Variants in TCF12 observed in about 807,000 individuals in gnomAD.
The protein encoded by TCF12 is transcription factor 12.
A neutral mutation model predicts 86.0 loss-of-function variants in TCF12; 45 were observed. The observed-to-expected ratio is 0.52, with a 90% confidence interval of 0.41 to 0.67. The LOEUF is 0.67. Among genes scored for constraint, TCF12 ranks in the 30% least tolerant of loss-of-function variants. The pLI, the probability that TCF12 is intolerant of heterozygous loss-of-function variation, is 0.00. For missense variants in TCF12, 881 were observed against 859.9 expected (o/e 1.02, Z -0.31); for synonymous variants, 330 against 299.6 (o/e 1.10, Z -1.05).
intron 5 of TCF12, among the ~76,000 whole-genome samples, chr15:57,125,564 A>C (rs1221615075): frequency 2.6e-5 from 4 of 152,236 alleles, no homozygotes; most frequent in Non-Finnish European, 5.9e-5. Context: ...GCCAACAATG[A>C]ATTTCTGAAC....
At position 57,170,636 on chromosome 15, in the gene TCF12, A is replaced by ATAT. The variant is rs1246397335; in HGVS notation, c.390+4171_390+4173dup. ...GCCATGCCCTGCTAATTTTATATATATATATAATATATATATTATATAAAA... is the reference window on the plus strand; with the variant it reads ...GCCATGCCCTGCTAATTTTATATATATATTATATAATATATATATTATATAAAA... On this transcript the variant is annotated intron_variant, in intron 6 of 20. Transcript: ENST00000333725. Among the ~76,000 whole-genome samples, 104 of 32,724 alleles carry ATAT rather than the reference A, an allele frequency of 3.2e-3. 5 individuals are homozygous for ATAT. The East Asian group carries it at 0.034, about 11-fold the overall frequency. 21.5% of individuals were successfully genotyped at this position (32,724 alleles called of 152,430 possible).
At position 57,232,823 on chromosome 15, in the gene TCF12, A is replaced by G; in HGVS notation, c.937A>G (p.Thr313Ala). The G allele has an allele frequency of 1.2e-6, 2 of 1,606,308 alleles. No individual in the cohort carries two copies. Among genetic ancestry groups the G allele is most frequent in the Non-Finnish European group, 8.5e-7 (1 of 1,176,602 alleles). Residue 313 changes from threonine to alanine, a missense_variant, in exon 11 of 21, where the codon ACT becomes GCT. By Grantham distance (58) the Thr-to-Ala change is moderately conservative. Around this residue, in one of 3 missense-constraint regions of TCF12, gnomAD observed 766 missense variants for 718.9 expected, o/e 1.07. Coordinates refer to ENST00000333725, the MANE Select transcript of TCF12 (RefSeq NM_207037.2). ...SSSPYVAASH[T>A]PPINGSDSIL... is the part of the protein sequence containing the mutation. The stretch of plus-strand genomic sequence containing the variant: ...TTCACCTTACGTTGCTGCCTCACAC[A>G]CTCCTCCCATCAATGGATCAGACAG...
intron 6 of TCF12, 115 bp downstream of exon 6, chr15:57,166,581 T>G: frequency 1.1e-6 from 1 of 908,008 alleles, no homozygotes; most frequent in South Asian, 2.2e-5. Context: ...TTGTTTAATT[T>G]GTAACTAAGT....
At chr15:57,202,374 A>G (rs930466691) in intron 8 of TCF12, among the ~76,000 whole-genome samples, 1 of 151,436 alleles carries the variant, frequency 6.6e-6, no homozygotes, top group Admixed American at 6.6e-5. Flanking sequence ...AAGGACCTAC[A>G]GTAGTAGAAA....
At chr15:57,049,306 G>T (rs114499772) in intron 3 of TCF12, among the ~76,000 whole-genome samples, 1 of 152,226 alleles carries the variant, frequency 6.6e-6, no homozygotes, top group South Asian at 2.1e-4. Flanking sequence ...TTATTTTATA[G>T]ATACTTCCGT....
At chr15:57,077,968 A>G (rs1229624784) in intron 4 of TCF12, among the ~76,000 whole-genome samples, 7 of 152,176 alleles carry the variant, frequency 4.6e-5, no homozygotes, top group African/African-American at 1.7e-4. Context: ...GAAATATAGT[A>G]TTATTCGATA....
chr15:56,973,549 A>C (rs143995502), intron 3 of TCF12, among the ~76,000 whole-genome samples: 4 of 152,254 alleles, frequency 2.6e-5, no homozygotes, highest in Non-Finnish European at 5.9e-5. Flanking sequence ...AATAACAACT[A>C]ATGTATATAA....
Position 57,199,775 on chromosome 15 carries a change from T to G in TCF12, c.579+1950T>G, listed in dbSNP as rs1255835617. Among the ~76,000 whole-genome samples, 4 of 152,192 alleles carry G rather than the reference T, an allele frequency of 2.6e-5. No homozygotes were observed. In the East Asian group the frequency reaches 7.7e-4, roughly 29 times the overall value. ...ATATATTGTATTTTACTAGCTATAT[T>G]AGTATATATTAAATGTTATTAAGGA... On this transcript the variant is annotated intron_variant, in intron 8 of 20. Coordinates refer to ENST00000333725, the MANE Select transcript of TCF12 (RefSeq NM_207037.2).
chr15:56,998,750 G>A (rs1414233965), intron 3 of TCF12, among the ~76,000 whole-genome samples: 1 of 151,830 alleles, frequency 6.6e-6, no homozygotes, highest in African/African-American at 2.4e-5. Context: ...TCTTTCCAAG[G>A]GAACAATGCT....
At chr15:57,263,340 G>A in intron 18 of TCF12, 66 bp downstream of exon 18, 1 of 1,507,832 alleles carries the variant, frequency 6.6e-7, no homozygotes, top group South Asian at 1.2e-5. Context: ...TTGAGAAGCT[G>A]GGTGTCATGC....
At chr15:57,147,784 T>A (rs941452703) in intron 5 of TCF12, among the ~76,000 whole-genome samples, 1 of 151,968 alleles carries the variant, frequency 6.6e-6, no homozygotes, top group South Asian at 2.1e-4. Flanking sequence ...AAAGCAGAGT[T>A]CCTAAACTTT....
At position 57,286,533 on chromosome 15, in the gene TCF12, A is replaced by G; in HGVS notation, c.*388A>G. 1 of 415,932 alleles carries G rather than the reference A, an allele frequency of 2.4e-6. No individual in the cohort carries two copies. Among genetic ancestry groups the G allele is most frequent in the Non-Finnish European group, 4.8e-6 (1 of 209,948 alleles). The allele number at this position is 415,932 out of a possible 1,614,324, so 25.8% of individuals were successfully genotyped here. A position where few individuals can be genotyped will look rare whatever the true frequency, so the allele number is the denominator to read the frequency against. On this transcript the variant is annotated 3_prime_UTR_variant, in exon 21 of 21. Coordinates refer to ENST00000333725, the MANE Select transcript of TCF12 (RefSeq NM_207037.2). ...TTTTATTTATTGTTATGAAACTGTA[A>G]GGTCTACATATAAAGGGAAAAAGTT...
chr15:57,101,141 G>T (rs139497723), intron 5 of TCF12, among the ~76,000 whole-genome samples: 58 of 151,952 alleles, frequency 3.8e-4, no homozygotes, highest in African/African-American at 1.4e-3. Context: ...TTTGGTATTT[G>T]TTGTTTTTAT....
intron 19 of TCF12, among the ~76,000 whole-genome samples, chr15:57,280,095 A>T (rs539541570): frequency 6.6e-6 from 1 of 152,052 alleles, no homozygotes; most frequent in African/African-American, 2.4e-5. Context: ...GGGTTTCACC[A>T]TGCAGGCTAG....
chr15:57,225,463 T>A (rs1408311077), intron 8 of TCF12, among the ~76,000 whole-genome samples: 2 of 152,014 alleles, frequency 1.3e-5, no homozygotes, highest in Admixed American at 6.6e-5. Flanking sequence ...TCCAGGATGG[T>A]CTCGACCTCC....
intron 3 of TCF12, among the ~76,000 whole-genome samples, chr15:56,967,693 A>G (rs1012609895): frequency 3.3e-5 from 5 of 152,190 alleles, no homozygotes; most frequent in Admixed American, 6.5e-5. Flanking sequence ...AGAAAAAATT[A>G]ACAAATTGCC....
At position 57,172,218 on chromosome 15, in the gene TCF12, TAAG is replaced by T. The variant is rs796207639; in HGVS notation, c.390+5755_390+5757del. Among the ~76,000 whole-genome samples the T allele has an allele frequency of 1.2e-4, 19 of 152,232 alleles. 1 individual carries two copies. Among genetic ancestry groups the T allele is most frequent in the African/African-American group, 4.6e-4 (19 of 41,538 alleles). On this transcript the variant is annotated intron_variant, in intron 6 of 20. Coordinates refer to ENST00000333725, the MANE Select transcript of TCF12 (RefSeq NM_207037.2). ...CAATGACAGATGTGTATACGCCTAA[TAAG>T]AAAGCTTCAAAACGAAGCAAAACAA...
intron 8 of TCF12, among the ~76,000 whole-genome samples, chr15:57,203,500 C>A (rs1477223992): frequency 6.6e-6 from 1 of 152,156 alleles, no homozygotes; most frequent in Non-Finnish European, 1.5e-5. Context: ...CCTTCCTAGA[C>A]CCAAATACCT....
At chr15:57,080,674 A>G (rs1201962428) in intron 4 of TCF12, among the ~76,000 whole-genome samples, 2 of 152,190 alleles carry the variant, frequency 1.3e-5, no homozygotes, top group Non-Finnish European at 2.9e-5. Context: ...ATCTCTGTGA[A>G]TAATTTCCTT....
Sources: gnomAD v4.1 joint callset for allele counts (sites outside exome capture counted in the v4.1 genomes callset) on GRCh38, gnomAD v4.1.1 for gene constraint, gnomAD v4.1.1 regional missense constraint, MANE v1.5 for transcripts, NCBI Gene and HGNC (gene_info 2026-07-23, HGNC 2026-07-21) for gene names.